TSSK6: variants seen among roughly 807,000 people sequenced by gnomAD.
TSSK6 encodes the protein testis-specific serine/threonine-protein kinase 6.
Under a neutral mutation model 8.5 loss-of-function variants are expected in TSSK6, and 9 were observed. The ratio of observed to expected loss-of-function variants is 1.06; its 90% CI spans 0.64 to 1.85. TSSK6 has a LOEUF of 1.85. Ranked by LOEUF, TSSK6 falls within the 40% of genes most tolerant of loss-of-function variation. The pLI is 0.00. For synonymous variants in TSSK6, 202 were observed against 182.4 expected (o/e 1.11, Z -0.86); for missense variants, 311 against 391.5 (o/e 0.79, Z 1.73).
In TSSK6 at chr19:19,515,219, G is replaced by A. The variant is rs1221692980; in HGVS notation, c.209C>T (p.Pro70Leu). 2 of 1,611,764 alleles carry A rather than the reference G, an allele frequency of 1.2e-6. No homozygotes were observed. Among genetic ancestry groups the A allele is most frequent in the South Asian group, 1.1e-5 (1 of 91,088 alleles). ...ELSILRGVRH[P>L]HIVHVFEFIE... ...GAACTCGAAGACGTGCACGATGTGCGGGTGTCGCACGCCCCGCAGGATGGA... is the reference window on the plus strand; with the variant it reads ...GAACTCGAAGACGTGCACGATGTGCAGGTGTCGCACGCCCCGCAGGATGGA... The change falls in exon 1 of 1, where the codon CCG becomes CTG. Residue 70 changes from proline (P) to leucine (L), a missense_variant. By Grantham distance (98) the Pro-to-Leu change is moderately conservative. Coordinates refer to ENST00000585580, the MANE Select transcript of TSSK6 (RefSeq NM_032037.4).
In TSSK6 at chr19:19,515,031, G is replaced by A; in HGVS notation, c.397C>T (p.His133Tyr). Residue 133 changes from histidine (H) to tyrosine (Y), a missense_variant, in exon 1 of 1, where the codon CAC becomes TAC. His to Tyr is a moderately conservative substitution (Grantham distance 83, BLOSUM62 2). Coordinates refer to ENST00000585580, the MANE Select transcript of TSSK6 (RefSeq NM_032037.4). ...ACGTTTTCGCACTTGAGGTCGCGGT[G>A]CACCAGGTGATGATCGTGCAGGTAG... ...VRYLHDHHLVHRDLKCENVLL... is the reference protein window; with the variant it reads ...VRYLHDHHLVYRDLKCENVLL... 8.7e-6 allele frequency: 14 copies of A among 1,611,136 alleles called. No homozygotes were observed. The highest frequency in any genetic ancestry group is 1.2e-5 in the Non-Finnish European group (14 of 1,178,938).
rs1275049215 is a variant in TSSK6, at chr19:19,514,642, C to A, written c.786G>T (p.Ala262=). ...PSARPSAGQV[A]RNCWLRAGDS... ...CCCCGGCGCGCAGCCAGCAGTTGCGCGCTACCTGGCCCGCGGAGGGCCTGG... is the reference window on the plus strand; with the variant it reads ...CCCCGGCGCGCAGCCAGCAGTTGCGAGCTACCTGGCCCGCGGAGGGCCTGG... The change falls in exon 1 of 1, where the codon GCG becomes GCT. Residue 262 remains alanine, a synonymous_variant. Coordinates refer to ENST00000585580, the MANE Select transcript of TSSK6 (RefSeq NM_032037.4). 6.3e-7 allele frequency: 1 copy of A among 1,596,060 alleles called. No individual in the cohort carries two copies. The highest frequency in any genetic ancestry group is 1.1e-5 in the South Asian group (1 of 90,834).
Position 19,514,460 on chromosome 19 carries a change from G to A in TSSK6, c.*146C>T. Reference sequence around the variant, plus strand: ...AGGGCAACTGCGGACTCCCCCGTGGGAAGAAAGGGAGGGAAGCGGAAGGGA... The same window carrying A: ...AGGGCAACTGCGGACTCCCCCGTGGAAAGAAAGGGAGGGAAGCGGAAGGGA... On this transcript the variant is annotated 3_prime_UTR_variant, in exon 1 of 1. Transcript: ENST00000585580. The A allele has an allele frequency of 1.2e-6, 1 of 806,316 alleles. No homozygotes were observed. Among genetic ancestry groups the A allele is most frequent in the Non-Finnish European group, 1.9e-6 (1 of 529,676 alleles). The allele number at this position is 806,316 out of a possible 1,614,324, so 49.9% of individuals were successfully genotyped here.
Position 19,515,253 on chromosome 19 carries a change from G to A in TSSK6, c.175C>T (p.Arg59Ter). ...ACGCCCCGCAGGATGGACAGCTCTCGCGGCAGGAACTTGTTGACGAAGTCC... is the reference window on the plus strand; with the variant it reads ...ACGCCCCGCAGGATGGACAGCTCTCACGGCAGGAACTTGTTGACGAAGTCC... ...PPDFVNKFLP[R>*]ELSILRGVRH... Residue 59 changes from arginine (R) to a stop codon, truncating the protein, a stop_gained, in exon 1 of 1, where the codon CGA (arginine) becomes TGA (stop). Coordinates refer to ENST00000585580, the MANE Select transcript of TSSK6 (RefSeq NM_032037.4). LOFTEE classifies it low-confidence loss of function (END_TRUNC). 1.9e-6 allele frequency: 3 copies of A among 1,613,314 alleles called. No homozygotes were observed. The highest frequency in any genetic ancestry group is 2.5e-6 in the Non-Finnish European group (3 of 1,179,986).
At position 19,514,987 on chromosome 19, in the gene TSSK6, C is replaced by T. The variant is rs762524202; in HGVS notation, c.441G>A (p.Glu147=). The stretch of plus-strand genomic sequence containing the variant: ...CGAAGTCGGTGAGCTTGACGCGGCG[C>T]TCGTCCGGGCTCAGCAGCACGTTTT... ...KCENVLLSPD[E]RRVKLTDFGF... The change falls in exon 1 of 1, where the codon GAG becomes GAA. Residue 147 remains glutamate (E), a synonymous_variant. Transcript: ENST00000585580. The T allele has an allele frequency of 2.5e-6, 4 of 1,608,080 alleles. No homozygotes were observed. The highest frequency in any genetic ancestry group is 3.4e-6 in the Non-Finnish European group (4 of 1,177,026).
chr19:19,515,043 G>A lies in TSSK6; in HGVS notation c.385C>T (p.His129Tyr), dbSNP rs749431149. The change falls in exon 1 of 1, where the codon CAT (histidine) becomes TAT (tyrosine). Residue 129 changes from histidine to tyrosine, a missense_variant. By Grantham distance (83) the His-to-Tyr change is moderately conservative. Transcript: ENST00000585580. Reference sequence around the variant, plus strand: ...TTGAGGTCGCGGTGCACCAGGTGATGATCGTGCAGGTAGCGCACGGCGCCG... The same window carrying A: ...TTGAGGTCGCGGTGCACCAGGTGATAATCGTGCAGGTAGCGCACGGCGCCG... Reference protein sequence around the residue: ...IAGAVRYLHDHHLVHRDLKCE... With the variant: ...IAGAVRYLHDYHLVHRDLKCE... The A allele has an allele frequency of 1.2e-6, 2 of 1,610,782 alleles. No homozygotes were observed. Among genetic ancestry groups the A allele is most frequent in the Non-Finnish European group, 1.7e-6 (2 of 1,178,794 alleles).
Position 19,514,822 on chromosome 19 carries a change from G to A in TSSK6, c.606C>T (p.Leu202=), listed in dbSNP as rs61743681. The A allele has an allele frequency of 3.3e-3, 5,282 of 1,600,046 alleles. 13 individuals carry two copies. Among genetic ancestry groups the A allele is most frequent in the Non-Finnish European group, 3.5e-3 (4,067 of 1,178,578 alleles). ...GCATGCACCCGGTGACCATGACGTA[G>A]AGCACGACGCCCATGCTCCACACAT... is the stretch of plus-strand genomic sequence containing the variant. The part of the protein sequence containing the change: ...KYDVWSMGVV[L]YVMVTGCMPF... The change falls in exon 1 of 1, where the codon CTC becomes CTT. Residue 202 remains leucine, a synonymous_variant. Transcript: ENST00000585580.
rs1203495457 is a variant in TSSK6 at position 19,514,983 on chromosome 19, G to A, written c.445C>T (p.Arg149Cys). The A allele has an allele frequency of 1.9e-6, 3 of 1,606,962 alleles. No individual in the cohort carries two copies. Among genetic ancestry groups the A allele is most frequent in the South Asian group, 2.2e-5 (2 of 90,444 alleles). The part of the protein sequence containing the change: ...ENVLLSPDER[R>C]VKLTDFGFGR... ...AAGCCGAAGTCGGTGAGCTTGACGC[G>A]GCGCTCGTCCGGGCTCAGCAGCACG... The change falls in exon 1 of 1, where the codon CGC (arginine) becomes TGC (cysteine). Residue 149 changes from arginine (R) to cysteine (C), a missense_variant. Arg to Cys is a radical substitution (Grantham distance 180). Coordinates refer to ENST00000585580, the MANE Select transcript of TSSK6 (RefSeq NM_032037.4).
chr19:19,514,502 C>G lies in TSSK6; in HGVS notation c.*104G>C. ...CGGAAGGGAAAAAGCGCATGTGCAG[C>G]AGCACGCGGCAGCTTCGCATATTCC... On this transcript the variant is annotated 3_prime_UTR_variant, in exon 1 of 1. Coordinates refer to ENST00000585580, the MANE Select transcript of TSSK6 (RefSeq NM_032037.4). 1.8e-6 allele frequency: 2 copies of G among 1,104,968 alleles called. No individual in the cohort carries two copies. Among genetic ancestry groups the G allele is most frequent in the Non-Finnish European group, 2.5e-6 (2 of 799,824 alleles). 68.4% of individuals were successfully genotyped at this position (1,104,968 alleles called of 1,614,324 possible).
Position 19,514,930 on chromosome 19 carries a change from G to T in TSSK6, c.498C>A (p.Asp166Glu). The T allele has an allele frequency of 6.2e-7, 1 of 1,603,464 alleles. No homozygotes were observed. The highest frequency in any genetic ancestry group is 8.5e-7 in the Non-Finnish European group (1 of 1,175,932). ...GFGRQAHGYPDLSTTYCGSAA... is the reference protein window; with the variant it reads ...GFGRQAHGYPELSTTYCGSAA... ...CTGAGCCGCAGTAGGTGGTGCTCAG[G>T]TCTGGGTAGCCATGGGCCTGGCGGC... Residue 166 changes from aspartate to glutamate, a missense_variant, in exon 1 of 1, where the codon GAC becomes GAA. Physicochemically the swap from Asp to Glu is conservative, Grantham distance 45 (BLOSUM62 2). Coordinates refer to ENST00000585580, the MANE Select transcript of TSSK6 (RefSeq NM_032037.4).
At position 19,514,692 on chromosome 19, in the gene TSSK6, C is replaced by T. The variant is rs767299457; in HGVS notation, c.736G>A (p.Glu246Lys). The T allele has an allele frequency of 6.2e-6, 10 of 1,600,790 alleles. No homozygotes were observed. The African/African-American group carries it at 8.0e-5, about 13-fold the overall frequency. ...LSERCKALIAELLQFSPSARP... is the reference protein window; with the variant it reads ...LSERCKALIAKLLQFSPSARP... Reference sequence around the variant, plus strand: ...GCGGACGGGCTGAACTGCAGCAGCTCGGCGATCAGGGCCTTGCAGCGCTCG... The same window carrying T: ...GCGGACGGGCTGAACTGCAGCAGCTTGGCGATCAGGGCCTTGCAGCGCTCG... Residue 246 changes from glutamate to lysine, a missense_variant, in exon 1 of 1, where the codon GAG becomes AAG. Physicochemically the swap from Glu to Lys is moderately conservative, Grantham distance 56 (BLOSUM62 1). Transcript: ENST00000585580.
Position 19,514,396 on chromosome 19 carries a change from TC to T in TSSK6, c.*209del, listed in dbSNP as rs1458748666. 6 of 594,618 alleles carry T rather than the reference TC, an allele frequency of 1.0e-5. No individual in the cohort carries two copies. The African/African-American group carries it at 1.1e-4, about 11-fold the overall frequency. The allele number at this position is 594,618 out of a possible 1,614,324, so 36.8% of individuals were successfully genotyped here. On this transcript the variant is annotated 3_prime_UTR_variant, in exon 1 of 1. Coordinates refer to ENST00000585580, the MANE Select transcript of TSSK6 (RefSeq NM_032037.4). Reference sequence around the variant, plus strand: ...AGGGAATCGCGGATGCGCATGCGCCTCCAGCTCCCGGGATCGCGGGGAACGT... The same window carrying T: ...AGGGAATCGCGGATGCGCATGCGCCTCAGCTCCCGGGATCGCGGGGAACGT...
Position 19,514,254 on chromosome 19 carries a change from G to A in TSSK6, c.*352C>T, listed in dbSNP as rs1002811585. On this transcript the variant is annotated 3_prime_UTR_variant, in exon 1 of 1. Transcript: ENST00000585580. ...AGCGAGTTTATTGCAGGTTCCAACC[G>A]GGAACCTGGCACCCACGGCTGGTTG... 4 of 290,962 alleles carry A rather than the reference G, an allele frequency of 1.4e-5. No individual in the cohort carries two copies. Among genetic ancestry groups the A allele is most frequent in the African/African-American group, 2.2e-5 (1 of 45,440 alleles). 18.0% of individuals were successfully genotyped at this position (290,962 alleles called of 1,614,324 possible).
At position 19,515,057 on chromosome 19, in the gene TSSK6, C is replaced by T; in HGVS notation, c.371G>A (p.Arg124His). Residue 124 changes from arginine to histidine, a missense_variant, in exon 1 of 1, where the codon CGC becomes CAC. Physicochemically the swap from Arg to His is conservative, Grantham distance 29. Coordinates refer to ENST00000585580, the MANE Select transcript of TSSK6 (RefSeq NM_032037.4). ...CACCAGGTGATGATCGTGCAGGTAG[C>T]GCACGGCGCCGGCGATCTGCGCAAA... Reference protein sequence around the residue: ...DLFAQIAGAVRYLHDHHLVHR... With the variant: ...DLFAQIAGAVHYLHDHHLVHR... The T allele has an allele frequency of 6.2e-7, 1 of 1,609,350 alleles. No individual in the cohort carries two copies. Among genetic ancestry groups the T allele is most frequent in the East Asian group, 2.2e-5 (1 of 44,798 alleles).
Position 19,515,423 on chromosome 19 carries a change from G to C in TSSK6, c.5C>G (p.Ser2Trp). 6.3e-7 allele frequency: 1 copy of C among 1,587,920 alleles called. No individual in the cohort carries two copies. Among genetic ancestry groups the C allele is most frequent in the Non-Finnish European group, 8.6e-7 (1 of 1,162,416 alleles). Reference sequence around the variant, plus strand: ...GAGTTCGCTCAGAAGTTTGTCTCCCGACATGGTGGCGCCTAGGGCGCACGG... The same window carrying C: ...GAGTTCGCTCAGAAGTTTGTCTCCCCACATGGTGGCGCCTAGGGCGCACGG... M[S>W]GDKLLSELGY... Residue 2 changes from serine to tryptophan, a missense_variant, in exon 1 of 1, where the codon TCG becomes TGG. Transcript: ENST00000585580.
Position 19,514,799 on chromosome 19 carries a change from A to G in TSSK6, c.629T>C (p.Met210Thr). The G allele has an allele frequency of 1.2e-6, 2 of 1,601,538 alleles. No homozygotes were observed. The highest frequency in any genetic ancestry group is 1.1e-5 in the South Asian group (1 of 91,018). ...GGCGATGTCCGAGTCGTCGAAGGGC[A>G]TGCACCCGGTGACCATGACGTAGAG... ...VVLYVMVTGC[M>T]PFDDSDIAGL... The change falls in exon 1 of 1, where the codon ATG (methionine) becomes ACG (threonine). Residue 210 changes from methionine to threonine, a missense_variant. Met to Thr is a moderately conservative substitution (Grantham distance 81). Transcript: ENST00000585580.
chr19:19,515,150 G>A lies in TSSK6; in HGVS notation c.278C>T (p.Ala93Val), dbSNP rs369673275. 2 of 1,605,908 alleles carry A rather than the reference G, an allele frequency of 1.2e-6. No homozygotes were observed. Among genetic ancestry groups the A allele is most frequent in the Non-Finnish European group, 1.7e-6 (2 of 1,179,706 alleles). Reference sequence around the variant, plus strand: ...CACGGCTTGCAGCAGGTCGGTGGCGGCCGCTTCCATCACGATGTACAGTTT... The same window carrying A: ...CACGGCTTGCAGCAGGTCGGTGGCGACCGCTTCCATCACGATGTACAGTTT... ...NGKLYIVMEA[A>V]ATDLLQAVQR... Residue 93 changes from alanine to valine, a missense_variant, in exon 1 of 1, where the codon GCC becomes GTC. Physicochemically the swap from Ala to Val is moderately conservative, Grantham distance 64. Coordinates refer to ENST00000585580, the MANE Select transcript of TSSK6 (RefSeq NM_032037.4).
In TSSK6 at chr19:19,514,574, T is replaced by G. The variant is rs766444688; in HGVS notation, c.*32A>C. 6.6e-7 allele frequency: 1 copy of G among 1,511,422 alleles called. No individual in the cohort carries two copies. The highest frequency in any genetic ancestry group is 8.8e-7 in the Non-Finnish European group (1 of 1,134,254). The allele number at this position is 1,511,422 out of a possible 1,614,324, so 93.6% of individuals were successfully genotyped here. A position where few individuals can be genotyped will look rare whatever the true frequency, so the allele number is the denominator to read the frequency against. ...GTGCGCCGCCCTGGCCCAGTGCCCT[T>G]GGCTGCAGGAATGGCTGGAACCACC... On this transcript the variant is annotated 3_prime_UTR_variant, in exon 1 of 1. Transcript: ENST00000585580.
Position 19,514,579 on chromosome 19 carries a change from G to A in TSSK6, c.*27C>T, listed in dbSNP as rs1301322472. 1 of 1,519,638 alleles carries A rather than the reference G, an allele frequency of 6.6e-7. No individual in the cohort carries two copies. The highest frequency in any genetic ancestry group is 8.8e-7 in the Non-Finnish European group (1 of 1,138,282). The allele number at this position is 1,519,638 out of a possible 1,614,324, so 94.1% of individuals were successfully genotyped here. On this transcript the variant is annotated 3_prime_UTR_variant, in exon 1 of 1. Transcript: ENST00000585580. The stretch of plus-strand genomic sequence containing the variant: ...CCGCCCTGGCCCAGTGCCCTTGGCT[G>A]CAGGAATGGCTGGAACCACCCGGCT...
Sources: allele counts gnomAD v4.1 joint callset, GRCh38; gene constraint gnomAD v4.1.1; transcripts MANE v1.5; gene names NCBI Gene and HGNC (gene_info 2026-07-23, HGNC 2026-07-21).